The following ZFHX4 variants were observed in gnomAD, a reference collection of about 807,000 sequenced individuals.
ZFHX4 encodes zinc finger homeobox protein 4.
In ZFHX4, 56 loss-of-function variants were observed where a neutral mutation model predicts 267.6. The observed-to-expected ratio is 0.21, with a 90% CI of 0.17 to 0.26. ZFHX4 has a LOEUF of 0.26. Among genes scored for constraint, ZFHX4 ranks in the 10% least tolerant of loss-of-function variants. ZFHX4 has a pLI of 1.00. For missense variants in ZFHX4, 4,332 were observed against 4,420.0 expected (o/e 0.98, Z 0.56); for synonymous variants, 1,778 against 1,665.6 (o/e 1.07, Z -1.64).
chr8:76,771,453 T>A (rs79209231), intron 3 of ZFHX4, among the ~76,000 whole-genome samples: 1 of 152,104 alleles, frequency 6.6e-6, no homozygotes, highest in Admixed American at 6.6e-5. Context: ...TGTTTTGTTT[T>A]GAAGAGATAA....
chr8:76,856,182 T>A lies in ZFHX4; in HGVS notation c.9261T>A (p.Ser3087Arg). The A allele has an allele frequency of 1.9e-6, 3 of 1,613,940 alleles. No homozygotes were observed. The highest frequency in any genetic ancestry group is 1.7e-6 in the Non-Finnish European group (2 of 1,179,862). ...AGCAGCCAGGCATGATGGACAGCAG[T>A]TCTCTCCACGGCATCAGCCTGCCAA... Reference protein sequence around the residue: ...TVQQPGMMDSSSLHGISLPTA... With the variant: ...TVQQPGMMDSRSLHGISLPTA... Residue 3087 changes from serine (S) to arginine (R), a missense_variant, in exon 10 of 11, where the codon AGT becomes AGA. Physicochemically the swap from Ser to Arg is moderately radical, Grantham distance 110 (BLOSUM62 -1). Around this residue, in one of 7 missense-constraint regions of ZFHX4, gnomAD observed 1,648 missense variants for 1,625.0 expected, o/e 1.01. Transcript: ENST00000651372.
intron 3 of ZFHX4, among the ~76,000 whole-genome samples, chr8:76,722,703 A>G (rs545613355): frequency 2.2e-4 from 33 of 152,034 alleles, no homozygotes; most frequent in African/African-American, 8.0e-4. Context: ...TTGAGGTGCA[A>G]AAATAGCTTT....
In ZFHX4 at chr8:76,865,070, G is replaced by C. The variant is rs1382940267; in HGVS notation, c.*505G>C. The stretch of plus-strand genomic sequence containing the variant: ...TTTCCCCAAACGTCAATCTTTATTA[G>C]AAAGCATTTTCTAGGTGTGTTTAGT... On this transcript the variant is annotated 3_prime_UTR_variant, in exon 11 of 11. Coordinates refer to ENST00000651372, the MANE Select transcript of ZFHX4 (RefSeq NM_024721.5). The C allele has an allele frequency of 1.3e-5, 2 of 153,390 alleles. No individual in the cohort carries two copies. Among genetic ancestry groups the C allele is most frequent in the African/African-American group, 4.8e-5 (2 of 41,438 alleles). 9.5% of individuals were successfully genotyped at this position (153,390 alleles called of 1,614,324 possible). A position where few individuals can be genotyped will look rare whatever the true frequency, so the allele number is the denominator to read the frequency against.
Position 76,708,017 on chromosome 8 carries a change from A to G in ZFHX4, c.3062A>G (p.His1021Arg), listed in dbSNP as rs945115122. ...AAATTACGCTTGCATACCACCAATC[A>G]CAGGCACGAGGCGGCCCTGAAGCTC... ...VDKLRLHTTN[H>R]RHEAALKLYK... The change falls in exon 3 of 11, where the codon CAC (histidine) becomes CGC (arginine). Residue 1021 changes from histidine (H) to arginine (R), a missense_variant. Transcript: ENST00000651372. 1 of 1,613,872 alleles carries G rather than the reference A, an allele frequency of 6.2e-7. No individual in the cohort carries two copies. The highest frequency in any genetic ancestry group is 1.1e-5 in the South Asian group (1 of 91,086).
chr8:76,798,576 A>C (rs188972498), intron 4 of ZFHX4, among the ~76,000 whole-genome samples: 1 of 152,324 alleles, frequency 6.6e-6, no homozygotes, highest in East Asian at 1.9e-4. Context: ...ATCAAGCATG[A>C]GAGCTGCTGG....
At chr8:76,792,607 C>A (rs1218293561) in intron 4 of ZFHX4, among the ~76,000 whole-genome samples, 1 of 152,130 alleles carries the variant, frequency 6.6e-6, no homozygotes, top group Non-Finnish European at 1.5e-5. Context: ...ATAATAGATC[C>A]TTAAGCAAAT....
intron 3 of ZFHX4, among the ~76,000 whole-genome samples, chr8:76,739,885 C>A: frequency 6.6e-6 from 1 of 152,116 alleles, no homozygotes; most frequent in Non-Finnish European, 1.5e-5. Flanking sequence ...TGATTGTCTT[C>A]TTCTTACCTC....
chr8:76,780,924 T>C (rs1215872375), intron 4 of ZFHX4, among the ~76,000 whole-genome samples: 1 of 152,124 alleles, frequency 6.6e-6, no homozygotes, highest in Non-Finnish European at 1.5e-5. Context: ...TTTCTTTAGT[T>C]GGATTGACTT....
chr8:76,683,641 A>G (rs7009497), intron 1 of ZFHX4: 19,923 of 132,576 alleles, frequency 0.15, 1,646 homozygotes, highest in East Asian at 0.3. Context: ...GAAGAGAGAG[A>G]GGGGGGGAGA....
intron 4 of ZFHX4, among the ~76,000 whole-genome samples, chr8:76,826,325 C>A (rs1171059171): frequency 6.6e-6 from 1 of 152,144 alleles, no homozygotes; most frequent in East Asian, 1.9e-4. Flanking sequence ...GACCCTACCT[C>A]CAACACTGGG....
chr8:76,744,118 G>A (rs1809392795), intron 3 of ZFHX4, among the ~76,000 whole-genome samples: 1 of 152,050 alleles, frequency 6.6e-6, no homozygotes, highest in South Asian at 2.1e-4. Context: ...GGCTGAGGTG[G>A]GTGGATCACC....
intron 5 of ZFHX4, among the ~76,000 whole-genome samples, chr8:76,835,851 T>C (rs1454693074): frequency 6.6e-6 from 1 of 152,184 alleles, no homozygotes; most frequent in Non-Finnish European, 1.5e-5. Context: ...ATCTACATTA[T>C]TGCTTCAATC....
intron 2 of ZFHX4, 68 bp downstream of exon 2, chr8:76,706,746 C>G: frequency 6.9e-7 from 1 of 1,440,110 alleles, no homozygotes; most frequent in Non-Finnish European, 9.2e-7. Context: ...CGTGATGCAC[C>G]CAGATAAAAT....
At chr8:76,776,262 G>A (rs961581486) in intron 3 of ZFHX4, among the ~76,000 whole-genome samples, 1 of 151,678 alleles carries the variant, frequency 6.6e-6, no homozygotes, top group African/African-American at 2.4e-5. Context: ...ATGGTTACAC[G>A]ATTTACATGA....
rs1222966556 is a variant in ZFHX4, at chr8:76,705,423, T to C, written c.1335T>C (p.Cys445=). 1.9e-6 allele frequency: 3 copies of C among 1,613,694 alleles called. No individual in the cohort carries two copies. The highest frequency in any genetic ancestry group is 2.5e-6 in the Non-Finnish European group (3 of 1,179,854). The part of the protein sequence containing the change: ...MSESKDQENN[C]ERPKESNVLH... ...AGAGCAAAGACCAAGAGAACAACTG[T>C]GAAAGGCCAAAAGAAAGCAACGTTT... is the stretch of plus-strand genomic sequence containing the variant. The change falls in exon 2 of 11, where the codon TGT becomes TGC. Residue 445 remains cysteine (C), a synonymous_variant. Transcript: ENST00000651372.
At position 76,707,713 on chromosome 8, in the gene ZFHX4, C is replaced by A. The variant is rs753512952; in HGVS notation, c.2758C>A (p.Leu920Ile). 1 of 1,613,816 alleles carries A rather than the reference C, an allele frequency of 6.2e-7. No homozygotes were observed. The highest frequency in any genetic ancestry group is 1.1e-5 in the South Asian group (1 of 91,062). The stretch of plus-strand genomic sequence containing the variant: ...ATTCACCTCTGACAGCCTGGAGGCC[C>A]TAAGTGTGCATGTGAGCAGTGAGCG... The part of the protein sequence containing the change: ...NKFTSDSLEA[L>I]SVHVSSERSL... Residue 920 changes from leucine to isoleucine, a missense_variant, in exon 3 of 11, where the codon CTA becomes ATA. By Grantham distance (5) the Leu-to-Ile change is conservative. Around this residue, in one of 7 missense-constraint regions of ZFHX4, gnomAD observed 1,195 missense variants for 1,173.6 expected, o/e 1.02. Transcript: ENST00000651372.
Position 76,864,408 on chromosome 8 carries a change from A to T in ZFHX4, c.10694A>T (p.Gln3565Leu), listed in dbSNP as rs1334398552. Reference sequence around the variant, plus strand: ...AGTTTGTGCAGCACCTCAGGGGTTCAAACCTCACTACCCACAGAAAGTTGT... The same window carrying T: ...AGTTTGTGCAGCACCTCAGGGGTTCTAACCTCACTACCCACAGAAAGTTGT... The part of the protein sequence containing the change: ...TSSLCSTSGV[Q>L]TSLPTESCSD... Residue 3565 changes from glutamine (Q) to leucine (L), a missense_variant, in exon 11 of 11, where the codon CAA (glutamine) becomes CTA (leucine). Around this residue, in one of 7 missense-constraint regions of ZFHX4, gnomAD observed 1,648 missense variants for 1,625.0 expected, o/e 1.01. Transcript: ENST00000651372. 1 of 1,613,726 alleles carries T rather than the reference A, an allele frequency of 6.2e-7. No homozygotes were observed. Among genetic ancestry groups the T allele is most frequent in the South Asian group, 1.1e-5 (1 of 91,082 alleles).
chr8:76,840,254 A>G (rs1370631481), intron 5 of ZFHX4, among the ~76,000 whole-genome samples: 1 of 152,196 alleles, frequency 6.6e-6, no homozygotes, highest in Admixed American at 6.5e-5. Context: ...TCTAAAGGTT[A>G]TGAGTTGTGG....
chr8:76,844,591 T>C (rs913171859), intron 6 of ZFHX4, among the ~76,000 whole-genome samples: 2 of 152,106 alleles, frequency 1.3e-5, no homozygotes, highest in African/African-American at 4.8e-5. Flanking sequence ...CACTCCCTAA[T>C]GGGCTGATGA....
Sources: allele counts gnomAD v4.1 joint callset (sites outside exome capture counted in the v4.1 genomes callset), GRCh38; gene constraint gnomAD v4.1.1; regional missense constraint gnomAD v4.1.1; transcripts MANE v1.5; gene names NCBI Gene and HGNC (gene_info 2026-07-23, HGNC 2026-07-21).